The following SLC23A2 variants were observed in gnomAD, a reference collection of about 807,000 sequenced individuals.
SLC23A2 encodes Na(+)/L-ascorbic acid transporter 2.
A neutral mutation model predicts 73.3 loss-of-function variants in SLC23A2; 36 were observed. The ratio of observed to expected loss-of-function variants is 0.49; its 90% CI spans 0.38 to 0.65. The LOEUF is 0.65. Ranked by LOEUF, SLC23A2 falls within the 30% of genes least tolerant of loss-of-function variation. The pLI, the probability that SLC23A2 is intolerant of heterozygous loss-of-function variation, is 0.00. For missense variants in SLC23A2, 507 were observed against 841.6 expected, an observed-to-expected ratio of 0.60 and a Z score of 4.92; for synonymous variants, 343 against 327.3, an observed-to-expected ratio of 1.05 and a Z score of -0.52.
intron 1 of SLC23A2, among the ~76,000 whole-genome samples, chr20:4,987,262 C>T (rs773016266): frequency 6.6e-6 from 1 of 152,064 alleles, no homozygotes; most frequent in African/African-American, 2.4e-5. Context: ...GAACAAAAAC[C>T]CATCAAACTT....
chr20:5,001,376 G>C (rs986302359), intron 1 of SLC23A2, 30 bp downstream of exon 1: 4 of 146,790 alleles, frequency 2.7e-5, no homozygotes, highest in Non-Finnish European at 6.1e-5. Flanking sequence ...CCCGCAGGCC[G>C]GGCAGGGGGC....
At chr20:4,989,591 G>A (rs966552398) in intron 1 of SLC23A2, among the ~76,000 whole-genome samples, 3 of 150,408 alleles carry the variant, frequency 2.0e-5, no homozygotes, top group African/African-American at 7.3e-5. Flanking sequence ...CAGGAAGATC[G>A]CTTGAGCCTA....
Position 4,858,493 on chromosome 20 carries a change from T to C in SLC23A2, c.1720+796A>G, listed in dbSNP as rs1929825403. 2.6e-5 allele frequency among the ~76,000 whole-genome samples: 4 copies of C among 152,146 alleles called. 1 individual carries two copies. The South Asian group carries it at 8.3e-4, about 32-fold the overall frequency. ...CCATCTATTTGTGTGTGTGATTCCT[T>C]CTGCCTTGGTTTCCCCAGCAATCTC... On this transcript the variant is annotated intron_variant, in intron 16 of 16. Transcript: ENST00000338244.
intron 12 of SLC23A2, chr20:4,869,698 C>T (rs547767937): frequency 3.1e-5 from 15 of 487,856 alleles, no homozygotes; most frequent in East Asian, 6.4e-5. Context: ...ACGTCATGGA[C>T]GAGGAAAATG....
Position 4,890,425 on chromosome 20 carries a change from G to A in SLC23A2, c.483-4516C>T, listed in dbSNP as rs146549302. On this transcript the variant is annotated intron_variant, in intron 6 of 16. Transcript: ENST00000338244. Reference sequence around the variant, plus strand: ...CCCAGTACTTCGGGAGGCCAAGGCAGGAGGATAACCTGAGGTCATGAGTTC... The same window carrying A: ...CCCAGTACTTCGGGAGGCCAAGGCAAGAGGATAACCTGAGGTCATGAGTTC... 3.3e-5 allele frequency among the ~76,000 whole-genome samples: 5 copies of A among 152,244 alleles called. No homozygotes were observed. The East Asian group carries it at 9.6e-4, about 29-fold the overall frequency.
intron 4 of SLC23A2, among the ~76,000 whole-genome samples, chr20:4,907,222 C>A (rs1240910888): frequency 6.6e-6 from 1 of 152,156 alleles, no homozygotes; most frequent in South Asian, 2.1e-4. Flanking sequence ...CTTATACCCA[C>A]AGGAGACCAC....
At chr20:4,875,615 C>A (rs1219995110) in intron 9 of SLC23A2, among the ~76,000 whole-genome samples, 1 of 152,164 alleles carries the variant, frequency 6.6e-6, no homozygotes, top group African/African-American at 2.4e-5. Flanking sequence ...CAGGTGCTGA[C>A]CCCTCCACGG....
At chr20:4,985,386 G>A (rs1047695285) in intron 1 of SLC23A2, among the ~76,000 whole-genome samples, 2 of 152,010 alleles carry the variant, frequency 1.3e-5, no homozygotes, top group Non-Finnish European at 2.9e-5. Context: ...ACTGACACAT[G>A]CTGTAACATG....
In SLC23A2 at chr20:4,902,314, A is replaced by G. The variant is rs1378679898; in HGVS notation, c.324+128T>C. On this transcript the variant is annotated intron_variant, in intron 5 of 16. Coordinates refer to ENST00000338244, the MANE Select transcript of SLC23A2 (RefSeq NM_005116.6). The surrounding 1 kb of genome is among the most constrained non-coding windows in gnomAD (Gnocchi z 4.0). The stretch of plus-strand genomic sequence containing the variant: ...CCACTGTGCTCAGCCCCTACTCATC[A>G]CTCTTAAAAGAGGAATTTATAAAAG... The G allele has an allele frequency of 1.0e-5, 6 of 590,088 alleles. No homozygotes were observed. The highest frequency in any genetic ancestry group is 1.8e-5 in the Non-Finnish European group (6 of 333,818). 36.6% of individuals were successfully genotyped at this position (590,088 alleles called of 1,614,324 possible). A position where few individuals can be genotyped will look rare whatever the true frequency, so the allele number is the denominator to read the frequency against.
Position 4,856,725 on chromosome 20 carries a change from T to G in SLC23A2, c.*247A>C. Reference sequence around the variant, plus strand: ...CAAAGGGAGGACTGGAACTTCAAATTTAGTGACCATGGCCAGCAATGGACA... The same window carrying G: ...CAAAGGGAGGACTGGAACTTCAAATGTAGTGACCATGGCCAGCAATGGACA... On this transcript the variant is annotated 3_prime_UTR_variant, in exon 17 of 17. Coordinates refer to ENST00000338244, the MANE Select transcript of SLC23A2 (RefSeq NM_005116.6). This position sits in a 1 kb window ranked among gnomAD's most constrained non-coding sequence, Gnocchi z 4.6. The G allele has an allele frequency of 4.5e-6, 2 of 449,004 alleles. No homozygotes were observed. Among genetic ancestry groups the G allele is most frequent in the Non-Finnish European group, 7.9e-6 (2 of 251,616 alleles). The allele number at this position is 449,004 out of a possible 1,614,324, so 27.8% of individuals were successfully genotyped here.
rs373435990 is a variant in SLC23A2, at chr20:4,940,193, C to A, written c.-154-7477G>T. ...AATTAGCTGGGTGTGGTGGCATGCA[C>A]CTGTGGTCTCAGCAACTCGGGAGGC... On this transcript the variant is annotated intron_variant, in intron 2 of 16. Transcript: ENST00000338244. Among the ~76,000 whole-genome samples, 56 of 152,178 alleles carry A rather than the reference C, an allele frequency of 3.7e-4. 1 individual carries two copies. Among genetic ancestry groups the A allele is most frequent in the African/African-American group, 6.7e-4 (28 of 41,530 alleles).
Position 4,856,803 on chromosome 20 carries a change from G to T in SLC23A2, c.*169C>A. 1 of 596,646 alleles carries T rather than the reference G, an allele frequency of 1.7e-6. No individual in the cohort carries two copies. The allele number at this position is 596,646 out of a possible 1,614,324, so 37.0% of individuals were successfully genotyped here. ...TAAATAAGGAGATAGGCGAGACACC[G>T]CATCAGGCACCATCACCCTCACAGC... is the stretch of plus-strand genomic sequence containing the variant. On this transcript the variant is annotated 3_prime_UTR_variant, in exon 17 of 17. Coordinates refer to ENST00000338244, the MANE Select transcript of SLC23A2 (RefSeq NM_005116.6). This position sits in a 1 kb window ranked among gnomAD's most constrained non-coding sequence, Gnocchi z 4.6.
intron 2 of SLC23A2, among the ~76,000 whole-genome samples, chr20:4,949,044 G>A (rs1257770800): frequency 6.6e-6 from 1 of 152,086 alleles, no homozygotes. Flanking sequence ...CCTGCACTTT[G>A]GGAGGCCAAG....
At chr20:4,891,919 T>C (rs893520458) in intron 6 of SLC23A2, among the ~76,000 whole-genome samples, 1 of 151,510 alleles carries the variant, frequency 6.6e-6, no homozygotes, top group Non-Finnish European at 1.5e-5. Context: ...CCTGGCTAAT[T>C]TTTTTTTATG....
Position 4,883,092 on chromosome 20 carries a change from A to G in SLC23A2, c.824+550T>C, listed in dbSNP as rs544056762. Among the ~76,000 whole-genome samples, 17 of 152,346 alleles carry G rather than the reference A, an allele frequency of 1.1e-4. 1 individual carries two copies. Among genetic ancestry groups the G allele is most frequent in the Middle Eastern group, 3.4e-3 (1 of 294 alleles). On this transcript the variant is annotated intron_variant, in intron 9 of 16. Coordinates refer to ENST00000338244, the MANE Select transcript of SLC23A2 (RefSeq NM_005116.6). This position sits in a 1 kb window ranked among gnomAD's most constrained non-coding sequence, Gnocchi z 4.5. ...AAGGGACATCTTTAATGGATGTGAC[A>G]TTCTGTACAAAAGGACAGGCACTGA...
At position 4,869,333 on chromosome 20, in the gene SLC23A2, CA is replaced by C. The variant is rs113853349; in HGVS notation, c.1250+572del. On this transcript the variant is annotated intron_variant, in intron 12 of 16. Coordinates refer to ENST00000338244, the MANE Select transcript of SLC23A2 (RefSeq NM_005116.6). ...TCTTTTTAAATTAAAAACAAACAAA[CA>C]AAAAAAAAACAAAAAAAACCTGTAA... Among the ~76,000 whole-genome samples the C allele has an allele frequency of 7.9e-3, 865 of 109,646 alleles. 9 individuals carry two copies. Among genetic ancestry groups the C allele is most frequent in the African/African-American group, 0.028 (804 of 28,410 alleles). The allele number at this position is 109,646 out of a possible 152,430, so 71.9% of individuals were successfully genotyped here. A position where few individuals can be genotyped will look rare whatever the true frequency, so the allele number is the denominator to read the frequency against.
At position 4,932,485 on chromosome 20, in the gene SLC23A2, CTCG is replaced by C; in HGVS notation, c.75_77del (p.Asp25del). ...GAGTGAAGAAAGCTGGGTGCTTTGC[CTCG>C]TCTTCGTATTTGCCTTCTGTTGAAC... On this transcript the variant is annotated inframe_deletion, in exon 3 of 17. Coordinates refer to ENST00000338244, the MANE Select transcript of SLC23A2 (RefSeq NM_005116.6). 1.9e-6 allele frequency: 3 copies of C among 1,606,610 alleles called. No homozygotes were observed. Among genetic ancestry groups the C allele is most frequent in the Non-Finnish European group, 2.6e-6 (3 of 1,173,160 alleles).
rs191013976 is a variant in SLC23A2, at chr20:4,989,194, G to A, written c.-282+12212C>T. ...GCAGAGCTTGCAATGAGCCGAGATC[G>A]CTGCTGCACTCCAGCCTGGGTGACA... On this transcript the variant is annotated intron_variant, in intron 1 of 16. Coordinates refer to ENST00000338244, the MANE Select transcript of SLC23A2 (RefSeq NM_005116.6). Among the ~76,000 whole-genome samples the A allele has an allele frequency of 2.3e-4, 35 of 149,454 alleles. No homozygotes were observed. The East Asian group carries it at 2.7e-3, about 12-fold the overall frequency.
chr20:4,934,049 A>C (rs375019973), intron 2 of SLC23A2, among the ~76,000 whole-genome samples: 3 of 152,380 alleles, frequency 2.0e-5, no homozygotes, highest in East Asian at 3.8e-4. Context: ...GCCAAAAAGG[A>C]AAACAAAGAA....
Sources: allele counts gnomAD v4.1 joint callset (sites outside exome capture counted in the v4.1 genomes callset), GRCh38; gene constraint gnomAD v4.1.1; non-coding constraint Gnocchi (gnomAD v3.1); transcripts MANE v1.5; gene names NCBI Gene and HGNC (gene_info 2026-07-23, HGNC 2026-07-21).